The following CACNA2D3 variants were observed in gnomAD, a reference collection of about 807,000 sequenced individuals.
CACNA2D3 encodes voltage-dependent calcium channel subunit alpha-2/delta-3.
CACNA2D3 carries 60 observed loss-of-function variants against 160.6 expected under a neutral mutation model. The ratio of observed to expected loss-of-function variants is 0.37; its 90% CI spans 0.30 to 0.46. The LOEUF (loss-of-function observed/expected upper bound fraction) is 0.46, where lower values mean the gene tolerates loss of function less well. CACNA2D3 is among the 20% of genes least tolerant of loss of function. The pLI, the probability that CACNA2D3 is intolerant of heterozygous loss-of-function variation, is 1.00. For synonymous variants in CACNA2D3, 558 were observed against 492.9 expected (o/e 1.13, Z -1.75); for missense variants, 1,205 against 1,365.0 (o/e 0.88, Z 1.85).
intron 8 of CACNA2D3, among the ~76,000 whole-genome samples, chr3:54,571,724 G>A (rs1196351539): frequency 6.6e-6 from 1 of 151,592 alleles, no homozygotes; most frequent in Non-Finnish European, 1.5e-5. Flanking sequence ...TGGAGTAGTT[G>A]CTATGGACAA....
chr3:54,492,559 A>G (rs1474094693), intron 4 of CACNA2D3, among the ~76,000 whole-genome samples: 2 of 152,206 alleles, frequency 1.3e-5, no homozygotes, highest in Non-Finnish European at 2.9e-5. Flanking sequence ...TGTGGAGTGC[A>G]GGTCTTGTGA....
At chr3:54,502,259 A>G (rs77073360) in intron 4 of CACNA2D3, among the ~76,000 whole-genome samples, 3,121 of 152,260 alleles carry the variant, frequency 0.02, 87 homozygotes, top group East Asian at 0.11. Flanking sequence ...CCCATTACAC[A>G]TATGTTACAC....
At chr3:54,435,451 C>T (rs1700045998) in intron 4 of CACNA2D3, among the ~76,000 whole-genome samples, 1 of 152,118 alleles carries the variant, frequency 6.6e-6, no homozygotes, top group Non-Finnish European at 1.5e-5. Flanking sequence ...GGGAAGATGT[C>T]AGCAGGGCTG....
intron 2 of CACNA2D3, among the ~76,000 whole-genome samples, chr3:54,313,416 G>A (rs1559446578): frequency 6.6e-6 from 1 of 152,078 alleles, no homozygotes; most frequent in African/African-American, 2.4e-5. Flanking sequence ...TGCACACTGA[G>A]GTTATTCAAA....
intron 35 of CACNA2D3, among the ~76,000 whole-genome samples, chr3:55,067,170 A>G (rs1452029589): frequency 6.6e-6 from 1 of 152,108 alleles, no homozygotes; most frequent in Admixed American, 6.5e-5. Flanking sequence ...TTGGGAAAGA[A>G]AGAAGGAAAG....
At chr3:54,252,741 C>T (rs1427236441) in intron 2 of CACNA2D3, among the ~76,000 whole-genome samples, 1 of 152,186 alleles carries the variant, frequency 6.6e-6, no homozygotes, top group Non-Finnish European at 1.5e-5. Flanking sequence ...TGTTGGGCAT[C>T]TGGTGAAAGC....
At chr3:54,483,042 C>T (rs1375703589) in intron 4 of CACNA2D3, among the ~76,000 whole-genome samples, 1 of 152,122 alleles carries the variant, frequency 6.6e-6, no homozygotes, top group Non-Finnish European at 1.5e-5. Flanking sequence ...CTAGCAAATG[C>T]TAATTGAGAG....
intron 2 of CACNA2D3, among the ~76,000 whole-genome samples, chr3:54,308,988 G>A (rs1703670788): frequency 6.6e-6 from 1 of 152,212 alleles, no homozygotes; most frequent in African/African-American, 2.4e-5. Context: ...ATTTGTTGGT[G>A]TGCATAAAGA....
intron 2 of CACNA2D3, among the ~76,000 whole-genome samples, chr3:54,182,799 A>G (rs2107324491): frequency 6.6e-6 from 1 of 152,292 alleles, no homozygotes; most frequent in Non-Finnish European, 1.5e-5. Context: ...ACAGGCTGGA[A>G]AATAAATCCT....
At chr3:54,173,507 C>T (rs984169609) in intron 2 of CACNA2D3, among the ~76,000 whole-genome samples, 3 of 152,148 alleles carry the variant, frequency 2.0e-5, no homozygotes, top group African/African-American at 7.2e-5. Flanking sequence ...ACACACAGAA[C>T]CAGGCTGCTT....
chr3:54,144,308 A>G (rs1275237038), intron 2 of CACNA2D3, among the ~76,000 whole-genome samples: 1 of 152,182 alleles, frequency 6.6e-6, no homozygotes, highest in East Asian at 1.9e-4. Flanking sequence ...GTTGTTGCCC[A>G]GGTTTCCCCC....
intron 11 of CACNA2D3, among the ~76,000 whole-genome samples, chr3:54,662,388 A>G (rs896346164): frequency 3.3e-5 from 5 of 152,192 alleles, no homozygotes; most frequent in African/African-American, 9.7e-5. Flanking sequence ...TGACTAATCT[A>G]TTAGGACTAG....
At chr3:54,969,527 A>T (rs1234564303) in intron 28 of CACNA2D3, among the ~76,000 whole-genome samples, 1 of 151,988 alleles carries the variant, frequency 6.6e-6, no homozygotes, top group Non-Finnish European at 1.5e-5. Context: ...CCCAAAGTGC[A>T]GGGATTACAG....
intron 13 of CACNA2D3, among the ~76,000 whole-genome samples, chr3:54,799,823 G>A (rs1702944975): frequency 6.6e-6 from 1 of 152,112 alleles, no homozygotes; most frequent in Non-Finnish European, 1.5e-5. Context: ...TCTGTCCCAG[G>A]TGGCTGCAGA....
At chr3:54,566,415 G>A (rs1224690918) in intron 6 of CACNA2D3, among the ~76,000 whole-genome samples, 1 of 152,202 alleles carries the variant, frequency 6.6e-6, no homozygotes, top group African/African-American at 2.4e-5. Context: ...TTTCCTGTGA[G>A]GCTTGACCAG....
intron 2 of CACNA2D3, among the ~76,000 whole-genome samples, chr3:54,187,343 C>G (rs149198225): frequency 5.9e-5 from 9 of 152,194 alleles, no homozygotes; most frequent in Admixed American, 2.0e-4. Flanking sequence ...ACTGGGTAGA[C>G]AGAAACTACA....
intron 13 of CACNA2D3, among the ~76,000 whole-genome samples, chr3:54,767,028 A>G (rs1418964045): frequency 6.6e-6 from 1 of 151,588 alleles, no homozygotes; most frequent in Non-Finnish European, 1.5e-5. Context: ...TCCCCAAGCC[A>G]TCTTCTCTGC....
At chr3:54,793,224 A>G (rs985291583) in intron 13 of CACNA2D3, among the ~76,000 whole-genome samples, 1 of 152,162 alleles carries the variant, frequency 6.6e-6, no homozygotes, top group Non-Finnish European at 1.5e-5. Context: ...AATAAATTAT[A>G]TTTTTTCCTG....
intron 5 of CACNA2D3, among the ~76,000 whole-genome samples, chr3:54,544,145 T>G (rs942647734): frequency 1.3e-5 from 2 of 152,172 alleles, no homozygotes; most frequent in African/African-American, 4.8e-5. Context: ...CTATGTTTTA[T>G]CTATAATTCA....
Sources: allele counts gnomAD v4.1 joint callset (sites outside exome capture counted in the v4.1 genomes callset), GRCh38; gene constraint gnomAD v4.1.1; transcripts MANE v1.5; gene names NCBI Gene and HGNC (gene_info 2026-07-23, HGNC 2026-07-21).